The following MAGI1 variants were observed in gnomAD, a reference collection of about 807,000 sequenced individuals.
MAGI1 encodes the protein membrane-associated guanylate kinase, WW and PDZ domain-containing protein 1.
In MAGI1, 58 loss-of-function variants were observed where a neutral mutation model predicts 139.9. That is an observed-to-expected ratio of 0.41 (90% CI 0.34 to 0.52). The LOEUF (loss-of-function observed/expected upper bound fraction) is 0.52. Among genes scored for constraint, MAGI1 ranks in the 20% least tolerant of loss-of-function variants. The probability of loss-of-function intolerance (pLI) is 0.12; values close to 1 mark genes in which losing one functional copy is unlikely to be tolerated. For synonymous variants in MAGI1, 812 were observed against 737.9 expected (o/e 1.10, Z -1.63); for missense variants, 1,874 against 1,901.6 (o/e 0.99, Z 0.27).
intron 1 of MAGI1, among the ~76,000 whole-genome samples, chr3:65,941,160 A>C (rs1576172943): frequency 6.6e-6 from 1 of 152,126 alleles, no homozygotes; most frequent in Non-Finnish European, 1.5e-5. Context: ...AGCCTGGCCA[A>C]CATGGTGAAA....
chr3:65,517,687 G>A (rs891431539), intron 2 of MAGI1, among the ~76,000 whole-genome samples: 1 of 152,084 alleles, frequency 6.6e-6, no homozygotes, highest in African/African-American at 2.4e-5. Context: ...ATCCTAAGAG[G>A]TACCAGTGCC....
At chr3:65,602,500 G>A (rs888403407) in intron 2 of MAGI1, among the ~76,000 whole-genome samples, 1 of 152,022 alleles carries the variant, frequency 6.6e-6, no homozygotes, top group Non-Finnish European at 1.5e-5. Flanking sequence ...AATGTATAGA[G>A]ACAGAAGGTA....
intron 14 of MAGI1, among the ~76,000 whole-genome samples, chr3:65,384,562 T>C (rs1294841824): frequency 6.6e-6 from 1 of 152,064 alleles, no homozygotes; most frequent in African/African-American, 2.4e-5. Flanking sequence ...TAGTGAGACC[T>C]TGTCTCTACA....
intron 1 of MAGI1, among the ~76,000 whole-genome samples, chr3:66,011,719 TCTC>T (rs2067329725): frequency 6.6e-6 from 1 of 151,902 alleles, no homozygotes; most frequent in Non-Finnish European, 1.5e-5. Context: ...CAGCCTAACT[TCTC>T]CTCCAGCCCA....
intron 2 of MAGI1, among the ~76,000 whole-genome samples, chr3:65,508,989 G>C (rs1373080998): frequency 6.6e-6 from 1 of 152,174 alleles, no homozygotes; most frequent in Non-Finnish European, 1.5e-5. Context: ...AGCCAGGGAA[G>C]ACCTGGTGAT....
intron 2 of MAGI1, chr3:65,549,259 C>A (rs1313369952): frequency 3.1e-6 from 1 of 325,346 alleles, no homozygotes; most frequent in Non-Finnish European, 4.4e-6. Flanking sequence ...CCCGGCGCGG[C>A]CACTTCCTCG....
intron 1 of MAGI1, among the ~76,000 whole-genome samples, chr3:65,877,882 G>C (rs1411203222): frequency 6.6e-6 from 1 of 152,072 alleles, no homozygotes; most frequent in Non-Finnish European, 1.5e-5. Flanking sequence ...CAAGGTAGGA[G>C]GACTGCTTGA....
At chr3:65,973,731 A>C (rs2065117807) in intron 1 of MAGI1, among the ~76,000 whole-genome samples, 1 of 152,240 alleles carries the variant, frequency 6.6e-6, no homozygotes, top group Admixed American at 6.5e-5. Flanking sequence ...GTGAGGATTA[A>C]TAAAAGAAAT....
Position 65,820,243 on chromosome 3 carries a change from T to C in MAGI1, c.314-198155A>G, listed in dbSNP as rs114263463. 9.0e-3 allele frequency among the ~76,000 whole-genome samples: 1,366 copies of C among 152,274 alleles called. 13 individuals carry two copies. Among genetic ancestry groups the C allele is most frequent in the Non-Finnish European group, 0.013 (885 of 68,022 alleles). ...TTTCAGCCTTTCAGCTTGCACTGCA[T>C]AGAATTTACCATTATCAGGGAGATC... On this transcript the variant is annotated intron_variant, in intron 1 of 22. Transcript: ENST00000402939.
At chr3:65,844,290 C>T (rs551726796) in intron 1 of MAGI1, 31 of 361,072 alleles carry the variant, frequency 8.6e-5, no homozygotes, top group African/African-American at 5.1e-4. Flanking sequence ...AGAGCTCACA[C>T]GGTCAGATTA....
chr3:65,604,764 GC>G (rs1231085455), intron 2 of MAGI1, among the ~76,000 whole-genome samples: 2 of 151,888 alleles, frequency 1.3e-5, no homozygotes, highest in Admixed American at 1.3e-4. Flanking sequence ...CAAGTCTCTG[GC>G]TTTTATTAGT....
chr3:65,529,397 T>C (rs1368756017), intron 2 of MAGI1, among the ~76,000 whole-genome samples: 1 of 152,196 alleles, frequency 6.6e-6, no homozygotes, highest in Non-Finnish European at 1.5e-5. Flanking sequence ...TCCTGGCAAC[T>C]ACTATGAATT....
chr3:65,702,605 T>C (rs1478355099), intron 1 of MAGI1, among the ~76,000 whole-genome samples: 3 of 152,148 alleles, frequency 2.0e-5, no homozygotes, highest in East Asian at 3.9e-4. Flanking sequence ...TTGACTCTTC[T>C]ACACGCCTTT....
At chr3:65,790,726 C>T (rs529070316) in intron 1 of MAGI1, among the ~76,000 whole-genome samples, 9 of 152,280 alleles carry the variant, frequency 5.9e-5, no homozygotes, top group Admixed American at 4.6e-4. Context: ...ACCTCAGCCT[C>T]GCGGGGGAAC....
intron 1 of MAGI1, among the ~76,000 whole-genome samples, chr3:65,743,433 C>T (rs928159719): frequency 3.3e-5 from 5 of 152,132 alleles, no homozygotes; most frequent in Admixed American, 3.3e-4. Flanking sequence ...CTAGGCCGGG[C>T]GTGGTGGCTC....
At chr3:65,467,585 G>C (rs1207107548) in intron 5 of MAGI1, among the ~76,000 whole-genome samples, 1 of 152,144 alleles carries the variant, frequency 6.6e-6, no homozygotes, top group Non-Finnish European at 1.5e-5. Flanking sequence ...CTTCACATCA[G>C]CTAAAACCTA....
chr3:65,959,365 C>A (rs1372590029), intron 1 of MAGI1, among the ~76,000 whole-genome samples: 1 of 152,124 alleles, frequency 6.6e-6, no homozygotes, highest in African/African-American at 2.4e-5. Context: ...TAATTCAGTA[C>A]AAAGAACATC....
At chr3:65,580,141 T>C (rs1397950814) in intron 2 of MAGI1, among the ~76,000 whole-genome samples, 5 of 152,022 alleles carry the variant, frequency 3.3e-5, no homozygotes, top group Admixed American at 2.6e-4. Context: ...CCTGAAAACA[T>C]AGGAAAAAAA....
intron 12 of MAGI1, among the ~76,000 whole-genome samples, chr3:65,416,651 T>C (rs1303136414): frequency 6.6e-6 from 1 of 152,048 alleles, no homozygotes; most frequent in African/African-American, 2.4e-5. Flanking sequence ...TTGAGAACAT[T>C]AGAAATGCAA....
Sources: allele counts gnomAD v4.1 joint callset (sites outside exome capture counted in the v4.1 genomes callset), GRCh38; gene constraint gnomAD v4.1.1; transcripts MANE v1.5; gene names NCBI Gene and HGNC (gene_info 2026-07-23, HGNC 2026-07-21).